Variants in MYCN observed in about 807,000 individuals in gnomAD.
The protein encoded by MYCN is N-myc proto-oncogene protein.
In MYCN, 3 loss-of-function variants were observed where a neutral mutation model predicts 28.1. The observed-to-expected ratio is 0.11, with a 90% CI of 0.05 to 0.28. The LOEUF is 0.28. Among genes scored for constraint, MYCN ranks in the 10% least tolerant of loss-of-function variants. The pLI is 1.00. For missense variants in MYCN, 572 were observed against 651.4 expected (o/e 0.88, Z 1.33); for synonymous variants, 326 against 288.3 (o/e 1.13, Z -1.32).
chr2:15,940,705 G>A lies in MYCN; in HGVS notation c.-156G>A. 1 of 177,006 alleles carries A rather than the reference G, an allele frequency of 5.6e-6. No individual in the cohort carries two copies. The allele number at this position is 177,006 out of a possible 1,614,324, so 11.0% of individuals were successfully genotyped here. On this transcript the variant is annotated 5_prime_UTR_variant, in exon 1 of 3. Transcript: ENST00000281043. Reference sequence around the variant, plus strand: ...CCCCCCGGCCCACCCGGAGACACCCGCGCAGAATCGCCTCCGGATCCCCTG... The same window carrying A: ...CCCCCCGGCCCACCCGGAGACACCCACGCAGAATCGCCTCCGGATCCCCTG...
chr2:15,941,996 G>T lies in MYCN; in HGVS notation c.-69G>T, dbSNP rs536645837. ...CGCCTTCCGCGCCCCCCACGGGAAG[G>T]AAGCACCCCCGGTATTAAAACGAAC... On this transcript the variant is annotated 5_prime_UTR_variant, in exon 2 of 3. Coordinates refer to ENST00000281043, the MANE Select transcript of MYCN (RefSeq NM_005378.6). The surrounding 1 kb of genome is among the most constrained non-coding windows in gnomAD (Gnocchi z 4.8). 2 of 1,596,952 alleles carry T rather than the reference G, an allele frequency of 1.3e-6. No individual in the cohort carries two copies. Among genetic ancestry groups the T allele is most frequent in the East Asian group, 4.5e-5 (2 of 43,970 alleles).
In MYCN at chr2:15,941,724, G is replaced by C; in HGVS notation, c.-117-224G>C. 1 of 435,260 alleles carries C rather than the reference G, an allele frequency of 2.3e-6. No individual in the cohort carries two copies. The highest frequency in any genetic ancestry group is 2.8e-5 in the South Asian group (1 of 36,084). 27.0% of individuals were successfully genotyped at this position (435,260 alleles called of 1,614,324 possible). On this transcript the variant is annotated intron_variant, in intron 1 of 2. Transcript: ENST00000281043. The surrounding 1 kb of genome is among the most constrained non-coding windows in gnomAD (Gnocchi z 4.8). ...TTGCGGAGCCTCGCCACCACCCCCT[G>C]CATCTGCATGCCCCCTCCCACCCCC...
chr2:15,945,380 AGTCTGCCAGG>A lies in MYCN; in HGVS notation c.791-105_791-96del. On this transcript the variant is annotated intron_variant, in intron 2 of 2. Transcript: ENST00000281043. The surrounding 1 kb of genome is among the most constrained non-coding windows in gnomAD (Gnocchi z 4.8). ...ATGTTGATGGACCCATAAAAATAGC[AGTCTGCCAGG>A]GTCTGCCGGAAGAGACAGATAAGCA... The A allele has an allele frequency of 1.6e-6, 2 of 1,240,278 alleles. No homozygotes were observed. Among genetic ancestry groups the A allele is most frequent in the Admixed American group, 2.0e-5 (1 of 50,182 alleles). The allele number at this position is 1,240,278 out of a possible 1,614,324, so 76.8% of individuals were successfully genotyped here. A position where few individuals can be genotyped will look rare whatever the true frequency, so the allele number is the denominator to read the frequency against.
In MYCN at chr2:15,945,277, G is replaced by A. The variant is rs1353792948; in HGVS notation, c.791-216G>A. 2.0e-5 allele frequency among the ~76,000 whole-genome samples: 3 copies of A among 152,056 alleles called. No individual in the cohort carries two copies. The highest frequency in any genetic ancestry group is 4.4e-5 in the Non-Finnish European group (3 of 68,012). On this transcript the variant is annotated intron_variant, in intron 2 of 2. Transcript: ENST00000281043. This position sits in a 1 kb window ranked among gnomAD's most constrained non-coding sequence, Gnocchi z 4.8. The stretch of plus-strand genomic sequence containing the variant: ...CGCTTCCCAAAGTGCTGGGATTACA[G>A]GTGTGAGTCACCGCGTCCGGCCTAC...
chr2:15,942,469 G>A lies in MYCN; in HGVS notation c.405G>A (p.Gln135=), dbSNP rs565268371. ...AGCGCGCCGTGAGCGAGAAGCTGCAGCACGGCCGCGGGCCGCCAACCGCCG... is the reference window on the plus strand; with the variant it reads ...AGCGCGCCGTGAGCGAGAAGCTGCAACACGGCCGCGGGCCGCCAACCGCCG... ...KLERAVSEKL[Q]HGRGPPTAGS... The change falls in exon 2 of 3, where the codon CAG becomes CAA. Residue 135 remains glutamine, a synonymous_variant. Coordinates refer to ENST00000281043, the MANE Select transcript of MYCN (RefSeq NM_005378.6). This position sits in a 1 kb window ranked among gnomAD's most constrained non-coding sequence, Gnocchi z 7.0. 6.3e-7 allele frequency: 1 copy of A among 1,576,242 alleles called. No individual in the cohort carries two copies. Among genetic ancestry groups the A allele is most frequent in the African/African-American group, 1.3e-5 (1 of 74,394 alleles).
chr2:15,941,005 T>G lies in MYCN; in HGVS notation c.-118+262T>G. On this transcript the variant is annotated intron_variant, in intron 1 of 2. Coordinates refer to ENST00000281043, the MANE Select transcript of MYCN (RefSeq NM_005378.6). The surrounding 1 kb of genome is among the most constrained non-coding windows in gnomAD (Gnocchi z 4.8). ...GAGTAATGGCTTCTGCGAAAAGAAA[T>G]TCCCTCGGCTCTAGAAGATCTGTCT... is the stretch of plus-strand genomic sequence containing the variant. The G allele has an allele frequency of 6.8e-5, 23 of 340,600 alleles. No individual in the cohort carries two copies. The highest frequency in any genetic ancestry group is 9.6e-5 in the Admixed American group (2 of 20,854). 21.1% of individuals were successfully genotyped at this position (340,600 alleles called of 1,614,324 possible). A position where few individuals can be genotyped will look rare whatever the true frequency, so the allele number is the denominator to read the frequency against.
Position 15,946,630 on chromosome 2 carries a change from G to T in MYCN, c.*533G>T. The stretch of plus-strand genomic sequence containing the variant: ...CCTCAATGTTTGAGGAGCATGTTTT[G>T]TATACAAATATATTGTTAATCTCTG... On this transcript the variant is annotated 3_prime_UTR_variant, in exon 3 of 3. Transcript: ENST00000281043. 3.7e-6 allele frequency: 1 copy of T among 272,126 alleles called. No individual in the cohort carries two copies. The allele number at this position is 272,126 out of a possible 1,614,324, so 16.9% of individuals were successfully genotyped here.
chr2:15,946,076 T>G lies in MYCN; in HGVS notation c.1374T>G (p.Ile458Met), dbSNP rs917439428. 2.5e-6 allele frequency: 4 copies of G among 1,614,162 alleles called. No homozygotes were observed. Among genetic ancestry groups the G allele is most frequent in the East Asian group, 2.2e-5 (1 of 44,886 alleles). Residue 458 changes from isoleucine to methionine, a missense_variant, in exon 3 of 3, where the codon ATT becomes ATG. Physicochemically the swap from Ile to Met is conservative, Grantham distance 10. Transcript: ENST00000281043. Reference protein sequence around the residue: ...QARQQQLLKKIEHARTC With the variant: ...QARQQQLLKKMEHARTC The stretch of plus-strand genomic sequence containing the variant: ...GACAGCAGCAGTTGCTAAAGAAAAT[T>G]GAACACGCTCGGACTTGCTAGACGC...
chr2:15,942,755 G>A lies in MYCN; in HGVS notation c.691G>A (p.Ala231Thr). 1.4e-6 allele frequency: 2 copies of A among 1,407,448 alleles called. No individual in the cohort carries two copies. The highest frequency in any genetic ancestry group is 1.9e-6 in the Non-Finnish European group (2 of 1,078,360). 87.2% of individuals were successfully genotyped at this position (1,407,448 alleles called of 1,614,324 possible). Residue 231 changes from alanine (A) to threonine (T), a missense_variant, in exon 2 of 3, where the codon GCC (alanine) becomes ACC (threonine). Physicochemically the swap from Ala to Thr is moderately conservative, Grantham distance 58 (BLOSUM62 0). Coordinates refer to ENST00000281043, the MANE Select transcript of MYCN (RefSeq NM_005378.6). The surrounding 1 kb of genome is among the most constrained non-coding windows in gnomAD (Gnocchi z 7.0). ...SGAGIAAPAG[A>T]PGVAPPRPGG... ...GGCGGGTATTGCCGCCCCAGCCGGG[G>A]CCCCGGGGGTCGCCCCTCCGCGCCC...
chr2:15,942,114 C>G lies in MYCN; in HGVS notation c.50C>G (p.Pro17Arg), dbSNP rs760258394. Reference sequence around the variant, plus strand: ...ATGCCGGGCATGATCTGCAAGAACCCAGACCTCGAGTTTGACTCGCTACAG... The same window carrying G: ...ATGCCGGGCATGATCTGCAAGAACCGAGACCTCGAGTTTGACTCGCTACAG... ...STMPGMICKNPDLEFDSLQPC... is the reference protein window; with the variant it reads ...STMPGMICKNRDLEFDSLQPC... The change falls in exon 2 of 3, where the codon CCA becomes CGA. Residue 17 changes from proline to arginine, a missense_variant. Transcript: ENST00000281043. The surrounding 1 kb of genome is among the most constrained non-coding windows in gnomAD (Gnocchi z 7.0). 6.2e-7 allele frequency: 1 copy of G among 1,613,954 alleles called. No individual in the cohort carries two copies. Among genetic ancestry groups the G allele is most frequent in the Non-Finnish European group, 8.5e-7 (1 of 1,180,026 alleles).
chr2:15,943,939 T>C lies in MYCN; in HGVS notation c.790+1085T>C, dbSNP rs1434858196. Reference sequence around the variant, plus strand: ...AGGGAGCTGGGACCCCCCTTGGACTTTGAAAACCAGTGTTTTCAGAATGCA... The same window carrying C: ...AGGGAGCTGGGACCCCCCTTGGACTCTGAAAACCAGTGTTTTCAGAATGCA... On this transcript the variant is annotated intron_variant, in intron 2 of 2. Transcript: ENST00000281043. Among the ~76,000 whole-genome samples the C allele has an allele frequency of 4.6e-5, 7 of 152,288 alleles. No individual in the cohort carries two copies. The East Asian group carries it at 1.4e-3, about 29-fold the overall frequency.
At position 15,942,145 on chromosome 2, in the gene MYCN, C is replaced by T. The variant is rs2103323489; in HGVS notation, c.81C>T (p.Cys27=). ...PDLEFDSLQP[C]FYPDEDDFYF... The stretch of plus-strand genomic sequence containing the variant: ...TCGAGTTTGACTCGCTACAGCCCTG[C>T]TTCTACCCGGACGAAGATGACTTCT... The change falls in exon 2 of 3, where the codon TGC becomes TGT. Residue 27 remains cysteine, a synonymous_variant. Coordinates refer to ENST00000281043, the MANE Select transcript of MYCN (RefSeq NM_005378.6). The surrounding 1 kb of genome is among the most constrained non-coding windows in gnomAD (Gnocchi z 7.0). The T allele has an allele frequency of 1.2e-6, 2 of 1,613,980 alleles. No individual in the cohort carries two copies. Among genetic ancestry groups the T allele is most frequent in the Non-Finnish European group, 1.7e-6 (2 of 1,180,026 alleles).
chr2:15,943,656 G>A (rs141190704), intron 2 of MYCN, among the ~76,000 whole-genome samples: 96 of 152,268 alleles, frequency 6.3e-4, no homozygotes, highest in African/African-American at 2.2e-3. Context: ...ACTGGCTGTA[G>A]TTTTGTCTTC....
Position 15,942,257 on chromosome 2 carries a change from C to A in MYCN, c.193C>A (p.Arg65Ser), listed in dbSNP as rs1379299556. The stretch of plus-strand genomic sequence containing the variant: ...GCCCACGCCCCCGCTGTCGCCCAGC[C>A]GTGGCTTCGCGGAGCACAGCTCCGA... ...LLPTPPLSPSRGFAEHSSEPP... is the reference protein window; with the variant it reads ...LLPTPPLSPSSGFAEHSSEPP... The change falls in exon 2 of 3, where the codon CGT becomes AGT. Residue 65 changes from arginine (R) to serine (S), a missense_variant. Transcript: ENST00000281043. This position sits in a 1 kb window ranked among gnomAD's most constrained non-coding sequence, Gnocchi z 7.0. 6.2e-7 allele frequency: 1 copy of A among 1,612,542 alleles called. No homozygotes were observed. The highest frequency in any genetic ancestry group is 1.3e-5 in the African/African-American group (1 of 75,046).
In MYCN at chr2:15,946,286, A is replaced by C; in HGVS notation, c.*189A>C. ...GACCTTGGAGAGCCTGCATCCCAGGATGCTGGGTGGCCCTGCAGCCTCCTC... is the reference window on the plus strand; with the variant it reads ...GACCTTGGAGAGCCTGCATCCCAGGCTGCTGGGTGGCCCTGCAGCCTCCTC... On this transcript the variant is annotated 3_prime_UTR_variant, in exon 3 of 3. Coordinates refer to ENST00000281043, the MANE Select transcript of MYCN (RefSeq NM_005378.6). 1.3e-6 allele frequency: 1 copy of C among 795,988 alleles called. No homozygotes were observed. The highest frequency in any genetic ancestry group is 2.0e-6 in the Non-Finnish European group (1 of 496,946). 49.3% of individuals were successfully genotyped at this position (795,988 alleles called of 1,614,324 possible).
chr2:15,946,183 T>G lies in MYCN; in HGVS notation c.*86T>G. 1 of 1,597,288 alleles carries G rather than the reference T, an allele frequency of 6.3e-7. No individual in the cohort carries two copies. ...AACATTGTGTTGACATTAAGAATGT[T>G]GGTTTACTTTCAAATCGGTCCCCTG... On this transcript the variant is annotated 3_prime_UTR_variant, in exon 3 of 3. Transcript: ENST00000281043.
intron 2 of MYCN, among the ~76,000 whole-genome samples, chr2:15,944,859 C>T (rs1662818062): frequency 6.6e-6 from 1 of 152,032 alleles, no homozygotes; most frequent in Non-Finnish European, 1.5e-5. Flanking sequence ...TTCTGTCTGA[C>T]CCTAAAGGCC....
Position 15,942,556 on chromosome 2 carries a change from G to A in MYCN, c.492G>A (p.Gly164=). The A allele has an allele frequency of 8.5e-7, 1 of 1,175,286 alleles. No individual in the cohort carries two copies. Among genetic ancestry groups the A allele is most frequent in the Non-Finnish European group, 1.0e-6 (1 of 953,048 alleles). The allele number at this position is 1,175,286 out of a possible 1,614,324, so 72.8% of individuals were successfully genotyped here. ...GCCCTGCGGGTCGCGGGCACGGCGG[G>A]GCTGCGGGAGCCGGCCGCGCCGGGG... ...AASPAGRGHG[G]AAGAGRAGAA... is the part of the protein sequence containing the mutation. The change falls in exon 2 of 3, where the codon GGG becomes GGA. Residue 164 remains glycine (G), a synonymous_variant. Transcript: ENST00000281043. This position sits in a 1 kb window ranked among gnomAD's most constrained non-coding sequence, Gnocchi z 7.0.
rs1662745139 is a variant in MYCN, at chr2:15,942,866, A to C, written c.790+12A>C. ...CCTGAGCGATTCAGGTAAAGACCGA[A>C]CTCGGGTCCGGCTGCCTCCCTGGGG... On this transcript the variant is annotated intron_variant, in intron 2 of 2. Transcript: ENST00000281043. The surrounding 1 kb of genome is among the most constrained non-coding windows in gnomAD (Gnocchi z 7.0). 1 of 1,578,348 alleles carries C rather than the reference A, an allele frequency of 6.3e-7. No individual in the cohort carries two copies. The highest frequency in any genetic ancestry group is 1.1e-5 in the South Asian group (1 of 88,408).
Sources: allele counts gnomAD v4.1 joint callset (sites outside exome capture counted in the v4.1 genomes callset), GRCh38; gene constraint gnomAD v4.1.1; non-coding constraint Gnocchi (gnomAD v3.1); transcripts MANE v1.5; gene names NCBI Gene and HGNC (gene_info 2026-07-23, HGNC 2026-07-21).